The following STK32A variants were observed in gnomAD, a reference collection of about 807,000 sequenced individuals.
STK32A encodes the protein serine/threonine kinase 32A.
STK32A carries 41 observed loss-of-function variants against 53.2 expected under a neutral mutation model. That is an observed-to-expected ratio of 0.77 (90% CI 0.60 to 1.00). The LOEUF is 1.00. Ranked by LOEUF, STK32A falls within the 50% of genes least tolerant of loss-of-function variation. The pLI is 0.00. For synonymous variants in STK32A, 166 were observed against 162.8 expected, an observed-to-expected ratio of 1.02 and a Z score of -0.15; for missense variants, 458 against 485.8, an observed-to-expected ratio of 0.94 and a Z score of 0.54.
chr5:147,265,594 C>T lies in STK32A; in HGVS notation c.53-12530C>T, dbSNP rs560974464. ...TGTTTTGTCAGACTGCTAAATGAGG[C>T]ACACTCAGTTTTCCTTCTCTGCTTG... On this transcript the variant is annotated intron_variant, in intron 2 of 12. Transcript: ENST00000397936. 2.9e-4 allele frequency among the ~76,000 whole-genome samples: 44 copies of T among 152,252 alleles called. No individual in the cohort carries two copies. In the South Asian group the frequency reaches 7.7e-3, roughly 27 times the overall value.
At chr5:147,282,565 C>T (rs902268913) in intron 4 of STK32A, among the ~76,000 whole-genome samples, 6 of 152,166 alleles carry the variant, frequency 3.9e-5, no homozygotes, top group Non-Finnish European at 8.8e-5. Flanking sequence ...TACATAAGTA[C>T]TCACATAAAC....
intron 2 of STK32A, among the ~76,000 whole-genome samples, chr5:147,258,156 C>G (rs1363718308): frequency 6.7e-6 from 1 of 149,246 alleles, no homozygotes; most frequent in Non-Finnish European, 1.5e-5. Flanking sequence ...CTCTTTTTAA[C>G]CTTTTATAAT....
rs904755752 is a variant in STK32A at position 147,386,235 on chromosome 5, C to G, written c.*2252C>G. 1 of 152,170 alleles carries G rather than the reference C, an allele frequency of 6.6e-6. No individual in the cohort carries two copies. Among genetic ancestry groups the G allele is most frequent in the Non-Finnish European group, 1.5e-5 (1 of 68,046 alleles). 9.4% of individuals were successfully genotyped at this position (152,170 alleles called of 1,614,324 possible). A position where few individuals can be genotyped will look rare whatever the true frequency, so the allele number is the denominator to read the frequency against. On this transcript the variant is annotated 3_prime_UTR_variant, in exon 13 of 13. Coordinates refer to ENST00000397936, the MANE Select transcript of STK32A (RefSeq NM_001112724.2). ...TATAAACTTGAAGCAATTGCCCTGA[C>G]TCGATTTCAGAGAAGGGGATGTGTT...
chr5:147,336,503 G>T (rs1252943422), intron 5 of STK32A, among the ~76,000 whole-genome samples: 1 of 152,110 alleles, frequency 6.6e-6, no homozygotes, highest in Non-Finnish European at 1.5e-5. Context: ...CTGGCTATTT[G>T]TAAATATATA....
intron 5 of STK32A, among the ~76,000 whole-genome samples, chr5:147,332,299 G>T (rs1220493511): frequency 6.7e-6 from 1 of 150,304 alleles, no homozygotes; most frequent in Non-Finnish European, 1.5e-5. Flanking sequence ...GACTGTCTTT[G>T]CTTACTTTTG....
chr5:147,352,493 C>T (rs1003625413), intron 7 of STK32A, among the ~76,000 whole-genome samples: 1 of 152,164 alleles, frequency 6.6e-6, no homozygotes, highest in Non-Finnish European at 1.5e-5. Flanking sequence ...GTTAGCAGAA[C>T]CAGCTTTACT....
rs535235829 is a variant in STK32A, at chr5:147,286,192, T to C, written c.260+6794T>C. ...TTCAGGAATTGAAAACCAAACATCA[T>C]ATGTTCTCACTGATATGTGGAAGCT... On this transcript the variant is annotated intron_variant, in intron 4 of 12. Coordinates refer to ENST00000397936, the MANE Select transcript of STK32A (RefSeq NM_001112724.2). Among the ~76,000 whole-genome samples, 11 of 151,954 alleles carry C rather than the reference T, an allele frequency of 7.2e-5. No individual in the cohort carries two copies. In the East Asian group the frequency reaches 1.4e-3, roughly 19 times the overall value.
chr5:147,375,996 C>G (rs1757216603), intron 11 of STK32A: 1 of 152,126 alleles, frequency 6.6e-6, no homozygotes, highest in Admixed American at 6.5e-5. Flanking sequence ...ATTTAGGCTA[C>G]TTTTTTTTAG....
chr5:147,371,644 G>A (rs1477885481), intron 9 of STK32A, among the ~76,000 whole-genome samples: 1 of 152,166 alleles, frequency 6.6e-6, no homozygotes. Flanking sequence ...CTTGAGAGAA[G>A]CATTTAGAAA....
intron 9 of STK32A, 145 bp from the exon 10 acceptor site, chr5:147,373,024 C>T (rs181566926): frequency 1.7e-3 from 1,669 of 982,150 alleles, no homozygotes; most frequent in Admixed American, 2.7e-3. Context: ...AATGTATGAT[C>T]TACATTGTTT....
chr5:147,285,235 T>C (rs1377963876), intron 4 of STK32A, among the ~76,000 whole-genome samples: 2 of 152,238 alleles, frequency 1.3e-5, no homozygotes, highest in Middle Eastern at 3.4e-3. Context: ...GGTGCTGGGA[T>C]AATTGAATAG....
intron 5 of STK32A, among the ~76,000 whole-genome samples, chr5:147,334,882 T>C (rs1165089696): frequency 1.3e-5 from 2 of 152,190 alleles, no homozygotes; most frequent in Admixed American, 6.5e-5. Flanking sequence ...TCCCCCTTGA[T>C]GCATGAGGGA....
At chr5:147,400,957 A>G in the STK32A span, 2 of 1,266,264 alleles carry the variant, frequency 1.6e-6, no homozygotes, top group Non-Finnish European at 2.1e-6. Flanking sequence ...TGCCTCCTCT[A>G]CCTCTTACTA....
At chr5:147,368,229 C>T (rs996729312) in intron 8 of STK32A, among the ~76,000 whole-genome samples, 10 of 152,234 alleles carry the variant, frequency 6.6e-5, no homozygotes, top group Admixed American at 6.5e-4. Context: ...TAGTTTTGTA[C>T]TCATTGTACA....
chr5:147,361,887 A>G (rs1263152057), intron 8 of STK32A, among the ~76,000 whole-genome samples: 1 of 152,218 alleles, frequency 6.6e-6, no homozygotes, highest in Non-Finnish European at 1.5e-5. Flanking sequence ...AAATCAATAC[A>G]CCTCACTAAA....
intron 4 of STK32A, among the ~76,000 whole-genome samples, chr5:147,319,455 G>C (rs1478153770): frequency 6.6e-6 from 1 of 152,036 alleles, no homozygotes; most frequent in Non-Finnish European, 1.5e-5. Flanking sequence ...ATGGGGTATT[G>C]TTTTTATAGA....
chr5:147,304,129 G>C (rs1424506234), intron 4 of STK32A, among the ~76,000 whole-genome samples: 1 of 152,184 alleles, frequency 6.6e-6, no homozygotes, highest in Non-Finnish European at 1.5e-5. Context: ...AGGAACTATT[G>C]AATAGACTCT....
chr5:147,305,590 G>A (rs1581066502), intron 4 of STK32A, among the ~76,000 whole-genome samples: 1 of 152,222 alleles, frequency 6.6e-6, no homozygotes, highest in East Asian at 1.9e-4. Context: ...AGGGAGTAAA[G>A]GGAGAGGCTT....
chr5:147,374,833 A>G (rs1757162892), intron 10 of STK32A, among the ~76,000 whole-genome samples: 1 of 151,966 alleles, frequency 6.6e-6, no homozygotes, highest in Non-Finnish European at 1.5e-5. Flanking sequence ...CCCAAAATTT[A>G]TTTTCCACTT....
Sources: gnomAD v4.1 joint callset for allele counts (sites outside exome capture counted in the v4.1 genomes callset) on GRCh38, gnomAD v4.1.1 for gene constraint, MANE v1.5 for transcripts, NCBI Gene and HGNC (gene_info 2026-07-23, HGNC 2026-07-21) for gene names.